The following GSG1L variants were observed in gnomAD, a reference collection of about 807,000 sequenced individuals.
GSG1L encodes germ cell-specific gene 1-like protein.
A neutral mutation model predicts 42.1 loss-of-function variants in GSG1L; 24 were observed. The observed-to-expected ratio is 0.57, with a 90% confidence interval of 0.41 to 0.80. The LOEUF is 0.80. Among genes scored for constraint, GSG1L ranks in the 30% least tolerant of loss-of-function variants. The pLI is 0.00. For synonymous variants in GSG1L, 215 were observed against 203.5 expected, an observed-to-expected ratio of 1.06 and a Z score of -0.48; for missense variants, 445 against 472.2, an observed-to-expected ratio of 0.94 and a Z score of 0.53.
At chr16:27,979,736 AGAAAG>A (rs2085301327) in intron 1 of GSG1L, among the ~76,000 whole-genome samples, 1 of 76,464 alleles carries the variant, frequency 1.3e-5, no homozygotes, top group Admixed American at 1.3e-4. Flanking sequence ...GGAAAGAAAA[AGAAAG>A]AAAGAAAGGA....
rs1027431375 is a variant in GSG1L at position 27,826,763 on chromosome 16, C to G, written c.830+2026G>C. Among the ~76,000 whole-genome samples, 3 of 152,178 alleles carry G rather than the reference C, an allele frequency of 2.0e-5. No homozygotes were observed. In the East Asian group the frequency reaches 5.8e-4, roughly 29 times the overall value. ...CTCCTGGGCATTCCAGTAAGCCCCA[C>G]GTGTTGGGCAAAGCAGATTCTGGGG... On this transcript the variant is annotated intron_variant, in intron 5 of 6. Coordinates refer to ENST00000447459, the MANE Select transcript of GSG1L (RefSeq NM_001109763.2).
intron 6 of GSG1L, among the ~76,000 whole-genome samples, chr16:27,800,472 T>C (rs900699099): frequency 6.6e-6 from 1 of 152,162 alleles, no homozygotes; most frequent in Non-Finnish European, 1.5e-5. Context: ...TGCAATCAAC[T>C]GCAAACCTCA....
chr16:28,020,291 G>A (rs1427232679), intron 1 of GSG1L, among the ~76,000 whole-genome samples: 1 of 152,148 alleles, frequency 6.6e-6, no homozygotes, highest in African/African-American at 2.4e-5. Context: ...CCAAAGCGCT[G>A]CTATTCATGA....
intron 2 of GSG1L, among the ~76,000 whole-genome samples, chr16:27,961,375 ATGCACATCCCAGAGGAC>A (rs1211650411): frequency 2.5e-4 from 38 of 150,918 alleles, no homozygotes; most frequent in South Asian, 2.1e-3. Flanking sequence ...GAATTATGGG[ATGCACATCCCAGAGGAC>A]TGCACATCCC....
intron 2 of GSG1L, among the ~76,000 whole-genome samples, chr16:27,892,636 A>G (rs1457101904): frequency 6.6e-6 from 1 of 151,992 alleles, no homozygotes; most frequent in Non-Finnish European, 1.5e-5. Context: ...CTAAAAATAC[A>G]GAAATTAGCC....
chr16:28,018,226 T>C lies in GSG1L; in HGVS notation c.349+44850A>G, dbSNP rs145993570. Among the ~76,000 whole-genome samples, 66 of 152,230 alleles carry C rather than the reference T, an allele frequency of 4.3e-4. No homozygotes were observed. In the East Asian group the frequency reaches 6.9e-3, roughly 16 times the overall value. ...TTTGGCTGTAATAAAAACCTAACAG[T>C]GGCTTAAATAATAAAGGCATTCAGT... On this transcript the variant is annotated intron_variant, in intron 1 of 6. Coordinates refer to ENST00000447459, the MANE Select transcript of GSG1L (RefSeq NM_001109763.2).
chr16:27,800,752 G>A (rs1400823797), intron 6 of GSG1L, among the ~76,000 whole-genome samples: 2 of 152,200 alleles, frequency 1.3e-5, no homozygotes, highest in East Asian at 1.9e-4. Context: ...GAGGTGGTGG[G>A]AGAAACGTGG....
At chr16:28,001,387 G>A (rs1276473136) in intron 1 of GSG1L, among the ~76,000 whole-genome samples, 1 of 152,238 alleles carries the variant, frequency 6.6e-6, no homozygotes, top group African/African-American at 2.4e-5. Context: ...GTATGCGTGA[G>A]TATGCACAAG....
rs541361326 is a variant in GSG1L at position 28,040,042 on chromosome 16, T to C, written c.349+23034A>G. On this transcript the variant is annotated intron_variant, in intron 1 of 6. Coordinates refer to ENST00000447459, the MANE Select transcript of GSG1L (RefSeq NM_001109763.2). This position sits in a 1 kb window ranked among gnomAD's most constrained non-coding sequence, Gnocchi z 4.1. ...CCCTAAGGGAGACCCCTGACTCCTC[T>C]CCTTCCCCTGCTGGCCTCATCATAG... Among the ~76,000 whole-genome samples the C allele has an allele frequency of 1.3e-5, 2 of 152,192 alleles. No individual in the cohort carries two copies. Among genetic ancestry groups the C allele is most frequent in the South Asian group, 2.1e-4 (1 of 4,822 alleles).
intron 1 of GSG1L, among the ~76,000 whole-genome samples, chr16:28,008,946 T>A (rs1010783298): frequency 6.6e-6 from 1 of 152,074 alleles, no homozygotes; most frequent in Non-Finnish European, 1.5e-5. Flanking sequence ...GTAGCTGGGA[T>A]TACAGTTACC....
intron 1 of GSG1L, 108 bp downstream of exon 1, chr16:28,062,968 G>T: frequency 8.3e-7 from 1 of 1,203,922 alleles, no homozygotes; most frequent in Non-Finnish European, 1.0e-6. Context: ...GCTGGGAGCT[G>T]GGCCCAGGCG....
rs972905822 is a variant in GSG1L at position 27,902,644 on chromosome 16, G to A, written c.398-18006C>T. Among the ~76,000 whole-genome samples the A allele has an allele frequency of 2.0e-5, 3 of 152,278 alleles. No individual in the cohort carries two copies. The East Asian group carries it at 5.8e-4, about 29-fold the overall frequency. On this transcript the variant is annotated intron_variant, in intron 2 of 6. Coordinates refer to ENST00000447459, the MANE Select transcript of GSG1L (RefSeq NM_001109763.2). ...CATTAATTCACTTTCAGCAGGGAGG[G>A]ATGGGGAGGGGACAAGAGCAGGGCT...
chr16:27,802,175 CT>C (rs2082890318), intron 6 of GSG1L, among the ~76,000 whole-genome samples: 2 of 152,256 alleles, frequency 1.3e-5, no homozygotes, highest in Admixed American at 1.3e-4. Flanking sequence ...TGGCTTGGGT[CT>C]GTCTCCCCAA....
chr16:27,980,683 G>C (rs2085315189), intron 1 of GSG1L, among the ~76,000 whole-genome samples: 1 of 152,030 alleles, frequency 6.6e-6, no homozygotes, highest in African/African-American at 2.4e-5. Context: ...AGCAGTTCGA[G>C]ACCAGCCTGG....
intron 1 of GSG1L, among the ~76,000 whole-genome samples, chr16:28,029,754 T>G (rs2085937420): frequency 6.6e-6 from 1 of 152,130 alleles, no homozygotes; most frequent in Non-Finnish European, 1.5e-5. Context: ...GATGGATGGA[T>G]GATGGATGAG....
chr16:27,865,609 AC>A (rs2083714435), intron 3 of GSG1L, among the ~76,000 whole-genome samples: 1 of 134,662 alleles, frequency 7.4e-6, no homozygotes, highest in Middle Eastern at 3.4e-3. Flanking sequence ...ACATATATAT[AC>A]ACACACACAC....
At chr16:27,978,525 C>T (rs8058615) in intron 1 of GSG1L, among the ~76,000 whole-genome samples, 71,905 of 151,532 alleles carry the variant, frequency 0.47, 17,632 homozygotes, top group South Asian at 0.6. Flanking sequence ...ACCCCATCTC[C>T]ACTAAAAATA....
chr16:27,993,998 C>G (rs1047780553), intron 1 of GSG1L, among the ~76,000 whole-genome samples: 1 of 152,272 alleles, frequency 6.6e-6, no homozygotes, highest in Non-Finnish European at 1.5e-5. Context: ...TGCATTCAAC[C>G]GTAAAAACAG....
intron 1 of GSG1L, among the ~76,000 whole-genome samples, chr16:28,015,856 T>A (rs1411434262): frequency 6.6e-6 from 1 of 152,170 alleles, no homozygotes; most frequent in Non-Finnish European, 1.5e-5. Context: ...GATTTGTGGT[T>A]TCAAGAACCT....
Sources: allele counts gnomAD v4.1 joint callset (sites outside exome capture counted in the v4.1 genomes callset), GRCh38; gene constraint gnomAD v4.1.1; non-coding constraint Gnocchi (gnomAD v3.1); transcripts MANE v1.5; gene names NCBI Gene and HGNC (gene_info 2026-07-23, HGNC 2026-07-21).